Variants in CTNNA3 observed in about 807,000 individuals in gnomAD.
The protein encoded by CTNNA3 is catenin alpha-3.
CTNNA3 carries 76 observed loss-of-function variants against 95.7 expected under a neutral mutation model. The ratio of observed to expected loss-of-function variants is 0.79; its 90% confidence interval spans 0.66 to 0.96. CTNNA3 has a LOEUF of 0.96. Ranked by LOEUF, CTNNA3 falls within the 40% of genes least tolerant of loss-of-function variation. CTNNA3 has a pLI of 0.00. For synonymous variants in CTNNA3, 431 were observed against 374.4 expected (o/e 1.15, Z -1.74); for missense variants, 1,191 against 1,089.8 (o/e 1.09, Z -1.31).
Position 66,369,587 on chromosome 10 carries a change from TG to T in CTNNA3, c.1732+9564del, listed in dbSNP as rs527347729. 6.8e-3 allele frequency among the ~76,000 whole-genome samples: 1,043 copies of T among 152,270 alleles called. 9 individuals carry two copies. The highest frequency in any genetic ancestry group is 0.011 in the Non-Finnish European group (751 of 68,024). On this transcript the variant is annotated intron_variant, in intron 12 of 17. Coordinates refer to ENST00000433211, the MANE Select transcript of CTNNA3 (RefSeq NM_013266.4). Reference sequence around the variant, plus strand: ...TAGTTACACATAATTTTTTCCCAAGTGAAAGAGAGCTAAATAGAATTTACCC... The same window carrying T: ...TAGTTACACATAATTTTTTCCCAAGTAAAGAGAGCTAAATAGAATTTACCC...
intron 15 of CTNNA3, among the ~76,000 whole-genome samples, chr10:65,996,161 G>C (rs989846799): frequency 6.6e-6 from 1 of 152,184 alleles, no homozygotes; most frequent in Non-Finnish European, 1.5e-5. Context: ...TCAGTGTCCA[G>C]AATTGGTGGA....
At chr10:66,608,870 C>T (rs547710642) in intron 10 of CTNNA3, among the ~76,000 whole-genome samples, 1 of 152,076 alleles carries the variant, frequency 6.6e-6, no homozygotes, top group African/African-American at 2.4e-5. Flanking sequence ...ATGTTGGACA[C>T]AGGAATGGGC....
At chr10:67,706,259 G>C (rs145373673) in intron 1 of CTNNA3, among the ~76,000 whole-genome samples, 1 of 152,216 alleles carries the variant, frequency 6.6e-6, no homozygotes, top group African/African-American at 2.4e-5. Context: ...TGGTGGGAGA[G>C]AGTTGGGCTC....
At chr10:67,269,792 C>G (rs1838882609) in intron 5 of CTNNA3, among the ~76,000 whole-genome samples, 1 of 152,092 alleles carries the variant, frequency 6.6e-6, no homozygotes, top group African/African-American at 2.4e-5. Context: ...CTCATTTTGA[C>G]TGTTCCTTTT....
chr10:67,341,968 T>C (rs1020788899), intron 5 of CTNNA3, among the ~76,000 whole-genome samples: 20 of 150,958 alleles, frequency 1.3e-4, no homozygotes, highest in African/African-American at 4.6e-4. Context: ...ACCTTCCATA[T>C]GCCTTTTTGC....
intron 7 of CTNNA3, among the ~76,000 whole-genome samples, chr10:66,949,568 A>T (rs1218818825): frequency 6.6e-6 from 1 of 151,632 alleles, no homozygotes; most frequent in Admixed American, 6.6e-5. Context: ...CAAAATAAAA[A>T]AAAAAAAAAG....
intron 7 of CTNNA3, among the ~76,000 whole-genome samples, chr10:66,936,795 C>G (rs12260653): frequency 0.018 from 2,775 of 152,158 alleles, 75 homozygotes; most frequent in African/African-American, 0.063. Context: ...GTTTCTTATG[C>G]GTTATCAAAT....
At chr10:67,517,923 C>A (rs760691018) in intron 5 of CTNNA3, among the ~76,000 whole-genome samples, 2 of 152,094 alleles carry the variant, frequency 1.3e-5, no homozygotes, top group Non-Finnish European at 2.9e-5. Flanking sequence ...ATGGAACTTA[C>A]AACCTATTTA....
At chr10:67,292,515 G>T (rs1405945432) in intron 5 of CTNNA3, among the ~76,000 whole-genome samples, 1 of 151,996 alleles carries the variant, frequency 6.6e-6, no homozygotes, top group East Asian at 1.9e-4. Context: ...AAATTTAAAT[G>T]TCAAATGATA....
chr10:67,344,646 T>C (rs762068807), intron 5 of CTNNA3, among the ~76,000 whole-genome samples: 2 of 152,148 alleles, frequency 1.3e-5, no homozygotes, highest in Non-Finnish European at 2.9e-5. Context: ...TAGTTGCTCA[T>C]AGTAGCCACT....
At chr10:67,134,657 G>A (rs1388508050) in intron 7 of CTNNA3, among the ~76,000 whole-genome samples, 1 of 152,078 alleles carries the variant, frequency 6.6e-6, no homozygotes, top group Non-Finnish European at 1.5e-5. Context: ...CTAGATATCT[G>A]CATCCATTCA....
chr10:66,697,079 C>A (rs368213151), intron 9 of CTNNA3, among the ~76,000 whole-genome samples: 2 of 151,970 alleles, frequency 1.3e-5, no homozygotes, highest in South Asian at 4.1e-4. Flanking sequence ...AACTGCCCAT[C>A]CACAAAATAT....
At chr10:66,332,089 T>C (rs1389540403) in intron 12 of CTNNA3, among the ~76,000 whole-genome samples, 1 of 152,086 alleles carries the variant, frequency 6.6e-6, no homozygotes, top group Non-Finnish European at 1.5e-5. Context: ...TTTTGCGCAT[T>C]GATTTTGTAT....
At chr10:66,637,038 A>G (rs562123807) in intron 9 of CTNNA3, among the ~76,000 whole-genome samples, 2 of 152,312 alleles carry the variant, frequency 1.3e-5, no homozygotes, top group East Asian at 3.9e-4. Flanking sequence ...TATCAATTGA[A>G]TTGTTTAATA....
intron 13 of CTNNA3, among the ~76,000 whole-genome samples, chr10:66,160,508 T>A (rs1564714187): frequency 6.6e-6 from 1 of 152,042 alleles, no homozygotes; most frequent in Non-Finnish European, 1.5e-5. Flanking sequence ...CCTTTTGGAG[T>A]TGATTTCCAG....
rs1456565607 is a variant in CTNNA3 at position 65,914,655 on chromosome 10, TA to T, written c.*5674del. On this transcript the variant is annotated 3_prime_UTR_variant, in exon 18 of 18. Coordinates refer to ENST00000433211, the MANE Select transcript of CTNNA3 (RefSeq NM_013266.4). ...TTTAAACACAGTCACATGTTAGCAGTAAAAGAGGAAAGGATTGGTGTTAACA... is the reference window on the plus strand; with the variant it reads ...TTTAAACACAGTCACATGTTAGCAGTAAAGAGGAAAGGATTGGTGTTAACA... 6.6e-6 allele frequency: 1 copy of T among 152,158 alleles called. No individual in the cohort carries two copies. The allele number at this position is 152,158 out of a possible 1,614,324, so 9.4% of individuals were successfully genotyped here.
chr10:67,098,297 C>G (rs1261934024), intron 7 of CTNNA3: 1 of 153,938 alleles, frequency 6.5e-6, no homozygotes, highest in African/African-American at 2.4e-5. Context: ...GCCCAGAAAC[C>G]TTGACTCTAA....
intron 7 of CTNNA3, among the ~76,000 whole-genome samples, chr10:66,845,784 T>C (rs538856933): frequency 2.4e-4 from 29 of 119,286 alleles, no homozygotes; most frequent in Non-Finnish European, 4.3e-4. Context: ...CACACACATA[T>C]ATATGTATGT....
chr10:66,900,765 A>G (rs1845707758), intron 7 of CTNNA3, among the ~76,000 whole-genome samples: 1 of 152,178 alleles, frequency 6.6e-6, no homozygotes, highest in Admixed American at 6.5e-5. Context: ...ATCAAGTGGA[A>G]GAAGGGATAT....
Sources: allele counts gnomAD v4.1 joint callset (sites outside exome capture counted in the v4.1 genomes callset), GRCh38; gene constraint gnomAD v4.1.1; transcripts MANE v1.5; gene names NCBI Gene and HGNC (gene_info 2026-07-23, HGNC 2026-07-21).